GABRR1: variants seen among roughly 807,000 people sequenced by gnomAD.
GABRR1 encodes the protein gamma-aminobutyric acid receptor subunit rho-1.
In GABRR1, 59 loss-of-function variants were observed where a neutral mutation model predicts 55.5. The ratio of observed to expected loss-of-function variants is 1.06; its 90% CI spans 0.86 to 1.32. The LOEUF is 1.32. GABRR1 is among the 40% of genes most tolerant of loss of function. The probability of loss-of-function intolerance (pLI) is 0.00; values close to 1 mark genes in which losing one functional copy is unlikely to be tolerated. For synonymous variants in GABRR1, 213 were observed against 226.0 expected, an observed-to-expected ratio of 0.94 and a Z score of 0.51; for missense variants, 602 against 619.1, an observed-to-expected ratio of 0.97 and a Z score of 0.29.
chr6:89,225,478 T>C (rs1254960744), intron 1 of GABRR1, among the ~76,000 whole-genome samples: 1 of 137,246 alleles, frequency 7.3e-6, no homozygotes, highest in Admixed American at 7.3e-5. Context: ...TGTGATCTCA[T>C]TGTTCAATTC....
At chr6:89,206,569 CT>C (rs1302159143) in intron 1 of GABRR1, among the ~76,000 whole-genome samples, 1 of 152,044 alleles carries the variant, frequency 6.6e-6, no homozygotes, top group Non-Finnish European at 1.5e-5. Flanking sequence ...GATAGGCCTT[CT>C]GACCATCCCA....
At position 89,185,220 on chromosome 6, in the gene GABRR1, G is replaced by A. The variant is rs1771864046; in HGVS notation, c.796+90C>T. 14 of 1,520,708 alleles carry A rather than the reference G, an allele frequency of 9.2e-6. No homozygotes were observed. In the Admixed American group the frequency reaches 1.0e-4, roughly 11 times the overall value. 94.2% of individuals were successfully genotyped at this position (1,520,708 alleles called of 1,614,324 possible). A position where few individuals can be genotyped will look rare whatever the true frequency, so the allele number is the denominator to read the frequency against. On this transcript the variant is annotated intron_variant, in intron 7 of 9. Transcript: ENST00000454853. ...ATATAAGTGACACTGCTCACCTGAC[G>A]ACCAATTCAAACCTTTCCTATAATA...
chr6:89,216,236 G>A (rs1772977467), intron 1 of GABRR1, among the ~76,000 whole-genome samples: 1 of 152,192 alleles, frequency 6.6e-6, no homozygotes, highest in Admixed American at 6.5e-5. Flanking sequence ...CCCAGAAGGA[G>A]GACACTGAGG....
chr6:89,217,524 C>T, upstream of GABRR1: 1 of 478,164 alleles, frequency 2.1e-6, no homozygotes. Context: ...CGTCAGATGT[C>T]AGGGATTTTC....
At chr6:89,187,278 T>C (rs1392793610) in intron 6 of GABRR1, among the ~76,000 whole-genome samples, 1 of 152,110 alleles carries the variant, frequency 6.6e-6, no homozygotes, top group Non-Finnish European at 1.5e-5. Flanking sequence ...AACCATTCTT[T>C]AGTGTAACTT....
intron 5 of GABRR1, among the ~76,000 whole-genome samples, chr6:89,192,040 GA>G (rs113580257): frequency 0.16 from 22,279 of 138,172 alleles, 1,981 homozygotes; most frequent in Admixed American, 0.25. Flanking sequence ...AGACTCCATC[GA>G]AAAAAAAAAA....
At chr6:89,211,930 T>C (rs909572102) in intron 1 of GABRR1, among the ~76,000 whole-genome samples, 1 of 152,186 alleles carries the variant, frequency 6.6e-6, no homozygotes. Context: ...CCACATGCTG[T>C]CTCTGGCCAC....
intron 1 of GABRR1, among the ~76,000 whole-genome samples, chr6:89,204,321 C>T (rs186380812): frequency 4.6e-5 from 7 of 152,320 alleles, no homozygotes; most frequent in South Asian, 2.1e-4. Flanking sequence ...GACAGGTGTG[C>T]GCTCTGCAGG....
At chr6:89,203,800 A>C (rs1772555999) in intron 1 of GABRR1, among the ~76,000 whole-genome samples, 2 of 152,222 alleles carry the variant, frequency 1.3e-5, no homozygotes, top group African/African-American at 2.4e-5. Context: ...GGATGTGTAC[A>C]CTTTAACTTT....
chr6:89,201,106 CACAG>C, intron 3 of GABRR1, 49 bp downstream of exon 3: 2 of 1,377,432 alleles, frequency 1.5e-6, no homozygotes, highest in Non-Finnish European at 2.1e-6. Flanking sequence ...ATTTCCTGCC[CACAG>C]ACAGAGGACC....
chr6:89,192,363 C>A (rs1772125154), intron 5 of GABRR1, among the ~76,000 whole-genome samples: 1 of 152,046 alleles, frequency 6.6e-6, no homozygotes, highest in Admixed American at 6.5e-5. Context: ...TGGCTCTGCC[C>A]CCAGAGTGGT....
At chr6:89,192,564 C>CTTCTT in intron 5 of GABRR1, among the ~76,000 whole-genome samples, 1 of 130,366 alleles carries the variant, frequency 7.7e-6, no homozygotes, top group Middle Eastern at 3.9e-3. Flanking sequence ...TCTTCTTCTT[C>CTTCTT]TTTTTTTTTT....
chr6:89,182,044 A>T lies in GABRR1; in HGVS notation c.810T>A (p.Arg270=), dbSNP rs747494973. Residue 270 remains arginine, a synonymous_variant, in exon 8 of 10, where the codon CGT becomes CGA. Transcript: ENST00000454853. ...GACGCAACGTGAAATTAATGTAGAG[A>T]CGGTTGTACCAGCCTGGGGGACACA... The part of the protein sequence containing the change: ...AFYSSTGWYN[R]LYINFTLRRH... 1 of 1,613,988 alleles carries T rather than the reference A, an allele frequency of 6.2e-7. No homozygotes were observed. The highest frequency in any genetic ancestry group is 1.7e-5 in the Admixed American group (1 of 60,008).
At chr6:89,192,039 CG>C (rs1400073322) in intron 5 of GABRR1, among the ~76,000 whole-genome samples, 2 of 140,258 alleles carry the variant, frequency 1.4e-5, no homozygotes, top group Non-Finnish European at 3.1e-5. Context: ...GAGACTCCAT[CG>C]AAAAAAAAAA....
chr6:89,198,733 C>G (rs991381484), intron 4 of GABRR1, among the ~76,000 whole-genome samples: 1 of 152,162 alleles, frequency 6.6e-6, no homozygotes, highest in Non-Finnish European at 1.5e-5. Context: ...CATACCAGTT[C>G]CACAGTAACT....
intron 1 of GABRR1, among the ~76,000 whole-genome samples, chr6:89,208,356 G>C (rs1772716617): frequency 6.6e-6 from 1 of 152,148 alleles, no homozygotes; most frequent in Admixed American, 6.5e-5. Context: ...TTCCTAAGTG[G>C]ATTTTTGGTA....
At chr6:89,217,402 G>T (rs969242721), upstream of GABRR1, 7 of 1,495,872 alleles carry the variant, frequency 4.7e-6, no homozygotes, top group Non-Finnish European at 6.3e-6. Context: ...AGACATTATT[G>T]GTCTGTTCAT....
chr6:89,202,346 C>T (rs1230741883), intron 2 of GABRR1, among the ~76,000 whole-genome samples: 1 of 152,118 alleles, frequency 6.6e-6, no homozygotes, highest in African/African-American at 2.4e-5. Context: ...GGCTGGAGTG[C>T]AGTGGTGTGA....
Position 89,199,290 on chromosome 6 carries a change from T to C in GABRR1, c.348+72A>G, listed in dbSNP as rs149010982. The C allele has an allele frequency of 1.2e-4, 162 of 1,300,972 alleles. 1 individual carries two copies. The African/African-American group carries it at 2.1e-3, about 17-fold the overall frequency. 80.6% of individuals were successfully genotyped at this position (1,300,972 alleles called of 1,614,324 possible). A position where few individuals can be genotyped will look rare whatever the true frequency, so the allele number is the denominator to read the frequency against. On this transcript the variant is annotated intron_variant, in intron 4 of 9. Transcript: ENST00000454853. ...AGTTGTGAGACTAAGTGAATTCAGG[T>C]GCGTGGAGCTCCTGGCCCTGGACCG...
Sources: allele counts gnomAD v4.1 joint callset (sites outside exome capture counted in the v4.1 genomes callset), GRCh38; gene constraint gnomAD v4.1.1; transcripts MANE v1.5; gene names NCBI Gene and HGNC (gene_info 2026-07-23, HGNC 2026-07-21).